The following AEBP2 variants were observed in gnomAD, a reference collection of about 807,000 sequenced individuals.
AEBP2 encodes the protein AE binding protein 2.
A neutral mutation model predicts 50.8 loss-of-function variants in AEBP2; 10 were observed. The observed-to-expected ratio is 0.20, with a 90% CI of 0.12 to 0.33. The LOEUF is 0.33. AEBP2 is among the 10% of genes least tolerant of loss of function. AEBP2 has a pLI of 1.00. For missense variants in AEBP2, 570 were observed against 688.0 expected (o/e 0.83, Z 1.92); for synonymous variants, 296 against 261.3 (o/e 1.13, Z -1.28).
At chr12:19,456,246 C>G in intron 1 of AEBP2, 1 of 1,518,770 alleles carries the variant, frequency 6.6e-7, no homozygotes, top group Non-Finnish European at 9.0e-7. Flanking sequence ...GGATAATATT[C>G]ATTTAGCCTT....
intron 1 of AEBP2, among the ~76,000 whole-genome samples, chr12:19,460,662 T>A (rs1325197362): frequency 6.6e-6 from 1 of 151,666 alleles, no homozygotes; most frequent in Non-Finnish European, 1.5e-5. Context: ...TGAAAGTTTT[T>A]TTTTTTTTTT....
At chr12:19,477,793 C>T (rs904545933) in intron 3 of AEBP2, among the ~76,000 whole-genome samples, 2 of 152,166 alleles carry the variant, frequency 1.3e-5, no homozygotes, top group Admixed American at 1.3e-4. Context: ...ATACTGGCTT[C>T]ATAGAATGAC....
intron 1 of AEBP2, chr12:19,456,393 C>A: frequency 7.3e-7 from 1 of 1,372,052 alleles, no homozygotes. Context: ...GTCTGAGAAG[C>A]ACTCAACACA....
intron 7 of AEBP2, among the ~76,000 whole-genome samples, chr12:19,517,494 T>C (rs929502573): frequency 6.6e-6 from 1 of 152,238 alleles, no homozygotes; most frequent in African/African-American, 2.4e-5. Context: ...ACATAGCATT[T>C]ATATTATATT....
intron 1 of AEBP2, among the ~76,000 whole-genome samples, chr12:19,419,932 C>T (rs914981436): frequency 6.6e-6 from 1 of 151,872 alleles, no homozygotes; most frequent in Non-Finnish European, 1.5e-5. Context: ...TCCGTCCTTC[C>T]AAAACATCAG....
At chr12:19,497,791 A>G (rs550844863) in intron 4 of AEBP2, among the ~76,000 whole-genome samples, 1 of 152,310 alleles carries the variant, frequency 6.6e-6, no homozygotes, top group Admixed American at 6.5e-5. Context: ...GTTTTTGATT[A>G]TATATCTTAT....
intron 1 of AEBP2, among the ~76,000 whole-genome samples, chr12:19,450,115 G>T (rs1379302232): frequency 1.3e-5 from 2 of 152,172 alleles, no homozygotes; most frequent in Non-Finnish European, 2.9e-5. Context: ...GCAAAATCAG[G>T]TAGCCTTACA....
upstream of AEBP2, among the ~76,000 whole-genome samples, chr12:19,436,405 T>G (rs949244390): frequency 1.3e-5 from 2 of 152,190 alleles, no homozygotes; most frequent in African/African-American, 4.8e-5. Context: ...TCAGTGCTGC[T>G]CTGTCTATGG....
At chr12:19,478,711 T>C (rs1450735946) in intron 3 of AEBP2, among the ~76,000 whole-genome samples, 1 of 152,236 alleles carries the variant, frequency 6.6e-6, no homozygotes, top group Non-Finnish European at 1.5e-5. Context: ...TCCACCTTGA[T>C]TTCATTGTTG....
rs530266910 is a variant in AEBP2, at chr12:19,465,393, C to CA, written c.879+2686dup. On this transcript the variant is annotated intron_variant, in intron 2 of 7. Coordinates refer to ENST00000266508, the MANE Select transcript of AEBP2 (RefSeq NM_153207.5). Reference sequence around the variant, plus strand: ...TGGGTGACAGAATGAGACTCTGTCTCAAAAAAAAAATAAATAAAATAAAAA... The same window carrying CA: ...TGGGTGACAGAATGAGACTCTGTCTCAAAAAAAAAAATAAATAAAATAAAAA... Among the ~76,000 whole-genome samples the CA allele has an allele frequency of 1.9e-3, 272 of 143,206 alleles. 1 individual carries two copies. The highest frequency in any genetic ancestry group is 4.4e-3 in the African/African-American group (169 of 38,806). The allele number at this position is 143,206 out of a possible 152,430, so 93.9% of individuals were successfully genotyped here. A position where few individuals can be genotyped will look rare whatever the true frequency, so the allele number is the denominator to read the frequency against.
chr12:19,411,335 G>A (rs1475659837), intron 1 of AEBP2, among the ~76,000 whole-genome samples: 1 of 152,228 alleles, frequency 6.6e-6, no homozygotes, highest in Non-Finnish European at 1.5e-5. Flanking sequence ...TCCAGAGGGA[G>A]GATGTAGCTC....
chr12:19,457,570 G>C (rs1948292971), intron 1 of AEBP2: 7 of 1,483,616 alleles, frequency 4.7e-6, no homozygotes, highest in Admixed American at 4.0e-5. Flanking sequence ...TTGTAGTTCA[G>C]ATGGCCAGTA....
Position 19,518,411 on chromosome 12 carries a change from G to A in AEBP2, c.*294G>A, listed in dbSNP as rs1031119050. ...AACTTAGTAGAACAGCTTCTTAAAG[G>A]CTTTGCATGCTTGCTGCTTTAAGCT... is the stretch of plus-strand genomic sequence containing the variant. On this transcript the variant is annotated 3_prime_UTR_variant, in exon 8 of 8. Transcript: ENST00000266508. 18 of 1,227,224 alleles carry A rather than the reference G, an allele frequency of 1.5e-5. No homozygotes were observed. Among genetic ancestry groups the A allele is most frequent in the Non-Finnish European group, 1.8e-5 (18 of 983,384 alleles). 76.0% of individuals were successfully genotyped at this position (1,227,224 alleles called of 1,614,324 possible). A position where few individuals can be genotyped will look rare whatever the true frequency, so the allele number is the denominator to read the frequency against.
intron 5 of AEBP2, among the ~76,000 whole-genome samples, chr12:19,511,519 G>C (rs954789833): frequency 7.9e-5 from 12 of 152,200 alleles, no homozygotes; most frequent in African/African-American, 2.9e-4. Flanking sequence ...GGGAACTGTT[G>C]AAGAGTTTGT....
chr12:19,447,830 C>G (rs1234841794), intron 1 of AEBP2, among the ~76,000 whole-genome samples: 1 of 152,080 alleles, frequency 6.6e-6, no homozygotes, highest in Non-Finnish European at 1.5e-5. Flanking sequence ...CAGATTGATT[C>G]TTTTTCTTAA....
intron 1 of AEBP2, among the ~76,000 whole-genome samples, chr12:19,422,353 T>A (rs2095746252): frequency 1.3e-5 from 2 of 152,158 alleles, no homozygotes; most frequent in African/African-American, 4.8e-5. Flanking sequence ...TATTAGGAAT[T>A]CACACCCTGG....
chr12:19,471,381 T>C (rs1051501904), intron 2 of AEBP2, among the ~76,000 whole-genome samples: 3 of 151,926 alleles, frequency 2.0e-5, no homozygotes, highest in Admixed American at 6.5e-5. Context: ...CCTTCCAAAG[T>C]GCTGGGGTTA....
intron 1 of AEBP2, among the ~76,000 whole-genome samples, chr12:19,412,317 C>T (rs939934885): frequency 3.9e-5 from 6 of 152,014 alleles, no homozygotes; most frequent in African/African-American, 9.6e-5. Context: ...CTTGTGCTAT[C>T]GCCAGGCTGG....
At chr12:19,457,453 C>G (rs1948290809) in intron 1 of AEBP2, 1 of 1,521,328 alleles carries the variant, frequency 6.6e-7, no homozygotes, top group Non-Finnish European at 8.9e-7. Context: ...CGTTCACGCT[C>G]AGCTTTCAGT....
Sources: allele counts gnomAD v4.1 joint callset (sites outside exome capture counted in the v4.1 genomes callset), GRCh38; gene constraint gnomAD v4.1.1; transcripts MANE v1.5; gene names NCBI Gene and HGNC (gene_info 2026-07-23, HGNC 2026-07-21).